Variants in PDE3A observed in about 807,000 individuals in gnomAD.
PDE3A encodes the protein cGMP-inhibited 3',5'-cyclic phosphodiesterase 3A.
In PDE3A, 43 loss-of-function variants were observed where a neutral mutation model predicts 98.3. The observed-to-expected ratio is 0.44, with a 90% confidence interval of 0.34 to 0.56. The LOEUF is 0.56. Ranked by LOEUF, PDE3A falls within the 20% of genes least tolerant of loss-of-function variation. PDE3A has a pLI of 0.01. For synonymous variants in PDE3A, 663 were observed against 567.9 expected, an observed-to-expected ratio of 1.17 and a Z score of -2.38; for missense variants, 1,427 against 1,440.7, an observed-to-expected ratio of 0.99 and a Z score of 0.15.
intron 1 of PDE3A, among the ~76,000 whole-genome samples, chr12:20,374,195 G>C (rs1437714603): frequency 6.6e-6 from 1 of 151,944 alleles, no homozygotes; most frequent in African/African-American, 2.4e-5. Context: ...GAAAGGTGAA[G>C]GAAAAGAATT....
chr12:20,553,975 A>C (rs1275365072), intron 1 of PDE3A, among the ~76,000 whole-genome samples: 1 of 151,996 alleles, frequency 6.6e-6, no homozygotes, highest in Non-Finnish European at 1.5e-5. Context: ...GAGAACTTAC[A>C]AGAGGGTTTT....
chr12:20,447,869 T>C lies in PDE3A; in HGVS notation c.960+77625T>C, dbSNP rs564626049. On this transcript the variant is annotated intron_variant, in intron 1 of 15. Coordinates refer to ENST00000359062, the MANE Select transcript of PDE3A (RefSeq NM_000921.5). ...TTGGCATCTGAAGAGGGGGGCAGTC[T>C]TGAGGGACTGAGGGGTGATGCTATG... is the stretch of plus-strand genomic sequence containing the variant. Among the ~76,000 whole-genome samples, 13 of 152,226 alleles carry C rather than the reference T, an allele frequency of 8.5e-5. No homozygotes were observed. In the East Asian group the frequency reaches 2.3e-3, roughly 27 times the overall value.
chr12:20,525,423 G>A (rs761009101), intron 1 of PDE3A, among the ~76,000 whole-genome samples: 1 of 147,276 alleles, frequency 6.8e-6, no homozygotes, highest in Non-Finnish European at 1.5e-5. Flanking sequence ...TAATGTTGTT[G>A]TTCCTTTTTC....
intron 1 of PDE3A, among the ~76,000 whole-genome samples, chr12:20,404,753 A>G (rs1270557410): frequency 1.3e-5 from 2 of 150,470 alleles, no homozygotes; most frequent in East Asian, 2.0e-4. Flanking sequence ...CTTTCCAGGC[A>G]TGATTCATAT....
chr12:20,663,124 T>G (rs2120356458), intron 15 of PDE3A, among the ~76,000 whole-genome samples: 1 of 152,270 alleles, frequency 6.6e-6, no homozygotes, highest in Non-Finnish European at 1.5e-5. Context: ...CATATCATGT[T>G]AGGTCTGTGG....
chr12:20,417,145 C>T (rs1233272124), intron 1 of PDE3A, among the ~76,000 whole-genome samples: 1 of 152,068 alleles, frequency 6.6e-6, no homozygotes, highest in Non-Finnish European at 1.5e-5. Context: ...TGTAATTTAA[C>T]CTTATCCCTG....
At chr12:20,440,813 T>C (rs1944858272) in intron 1 of PDE3A, among the ~76,000 whole-genome samples, 1 of 152,198 alleles carries the variant, frequency 6.6e-6, no homozygotes, top group African/African-American at 2.4e-5. Context: ...CTCCTGGAGC[T>C]AGAGGTTTTC....
chr12:20,619,185 T>A (rs1944076744), intron 4 of PDE3A, among the ~76,000 whole-genome samples: 2 of 152,078 alleles, frequency 1.3e-5, no homozygotes, highest in African/African-American at 2.4e-5. Flanking sequence ...ATTGATTTAT[T>A]GTATTAATAG....
intron 1 of PDE3A, among the ~76,000 whole-genome samples, chr12:20,521,899 C>A (rs756349235): frequency 4.6e-5 from 7 of 152,066 alleles, no homozygotes; most frequent in Non-Finnish European, 8.8e-5. Flanking sequence ...GGCAGGAAAA[C>A]CGCAACCACT....
intron 14 of PDE3A, among the ~76,000 whole-genome samples, chr12:20,652,944 T>G (rs372510362): frequency 6.6e-6 from 1 of 152,196 alleles, no homozygotes; most frequent in South Asian, 2.1e-4. Context: ...AAATCATGTA[T>G]TGCCTTTCCT....
chr12:20,384,889 C>G (rs980902976), intron 1 of PDE3A, among the ~76,000 whole-genome samples: 8 of 152,084 alleles, frequency 5.3e-5, no homozygotes, highest in African/African-American at 1.7e-4. Flanking sequence ...GCATAGTATT[C>G]CATGGTGTAT....
At chr12:20,490,780 C>G (rs535668217) in intron 1 of PDE3A, among the ~76,000 whole-genome samples, 2 of 152,228 alleles carry the variant, frequency 1.3e-5, no homozygotes, top group South Asian at 2.1e-4. Flanking sequence ...CCTAATAGCT[C>G]TTTGGTACCT....
At chr12:20,507,051 C>T (rs1480814057) in intron 1 of PDE3A, among the ~76,000 whole-genome samples, 8 of 151,950 alleles carry the variant, frequency 5.3e-5, no homozygotes. Context: ...AAACTTAATT[C>T]ACATAAAGGG....
intron 1 of PDE3A, among the ~76,000 whole-genome samples, chr12:20,507,822 G>A (rs973098559): frequency 1.3e-5 from 2 of 151,994 alleles, no homozygotes; most frequent in African/African-American, 4.8e-5. Flanking sequence ...CTCTAGCCAG[G>A]CTGGCATCAT....
intron 1 of PDE3A, among the ~76,000 whole-genome samples, chr12:20,396,399 G>A (rs186542029): frequency 1.9e-4 from 29 of 152,172 alleles, no homozygotes; most frequent in African/African-American, 6.7e-4. Context: ...GTACAGTTTC[G>A]TCTGGGTGGT....
intron 1 of PDE3A, among the ~76,000 whole-genome samples, chr12:20,514,243 T>G (rs1946276450): frequency 1.3e-5 from 2 of 152,208 alleles, no homozygotes; most frequent in African/African-American, 4.8e-5. Flanking sequence ...TTGCTTGTTT[T>G]TAGTTTCAAA....
At chr12:20,517,005 G>A (rs1946333834) in intron 1 of PDE3A, among the ~76,000 whole-genome samples, 1 of 152,174 alleles carries the variant, frequency 6.6e-6, no homozygotes. Context: ...AAGAGCCCCA[G>A]GAGAGCACAA....
chr12:20,603,348 A>ATTCTT (rs1782041206), intron 2 of PDE3A, among the ~76,000 whole-genome samples: 1 of 152,194 alleles, frequency 6.6e-6, no homozygotes, highest in Non-Finnish European at 1.5e-5. Context: ...TGCTTTTAGA[A>ATTCTT]TTCTTTTCAC....
rs541269650 is a variant in PDE3A, at chr12:20,640,439, T to C, written c.2251+482T>C. On this transcript the variant is annotated intron_variant, in intron 10 of 15. Transcript: ENST00000359062. ...GAGTTAAGTCACTATATATGTTTTC[T>C]CCACGTAAGATAAAGTTGGCTGGCG... Among the ~76,000 whole-genome samples the C allele has an allele frequency of 2.0e-5, 3 of 152,210 alleles. No individual in the cohort carries two copies. In the South Asian group the frequency reaches 6.2e-4, roughly 32 times the overall value.
Sources: allele counts gnomAD v4.1 joint callset (sites outside exome capture counted in the v4.1 genomes callset), GRCh38; gene constraint gnomAD v4.1.1; transcripts MANE v1.5; gene names NCBI Gene and HGNC (gene_info 2026-07-23, HGNC 2026-07-21).